The following SOX13 variants were observed in gnomAD, a reference collection of about 807,000 sequenced individuals.
The protein encoded by SOX13 is transcription factor SOX-13.
Under a neutral mutation model 71.8 loss-of-function variants are expected in SOX13, and 28 were observed. The observed-to-expected ratio is 0.39, with a 90% CI of 0.29 to 0.53. The LOEUF is 0.53. Ranked by LOEUF, SOX13 falls within the 20% of genes least tolerant of loss-of-function variation. The pLI is 0.70. For missense variants in SOX13, 627 were observed against 810.3 expected (o/e 0.77, Z 2.75); for synonymous variants, 309 against 317.8 (o/e 0.97, Z 0.29).
chr1:204,122,428 C>T (rs1222897162), intron 9 of SOX13, 29 bp downstream of exon 9: 3 of 1,555,548 alleles, frequency 1.9e-6, no homozygotes, highest in East Asian at 4.8e-5. Context: ...GCACTTGTCC[C>T]TCAGCCCTCT....
intron 1 of SOX13, among the ~76,000 whole-genome samples, chr1:204,112,527 A>ACACTCACT (rs34093119): frequency 4.1e-5 from 6 of 147,790 alleles, no homozygotes; most frequent in African/African-American, 1.5e-4. Context: ...ACACACACAC[A>ACACTCACT]CTTTCTCTCT....
At chr1:204,096,438 A>G (rs1238978024) in intron 1 of SOX13, among the ~76,000 whole-genome samples, 1 of 144,198 alleles carries the variant, frequency 6.9e-6, no homozygotes, top group East Asian at 2.0e-4. Context: ...TATTTTTGAG[A>G]CAGAGTCTTG....
At chr1:204,109,751 A>G (rs1656540035) in intron 1 of SOX13, among the ~76,000 whole-genome samples, 1 of 152,218 alleles carries the variant, frequency 6.6e-6, no homozygotes, top group Non-Finnish European at 1.5e-5. Flanking sequence ...TCCCTGATAT[A>G]GAATGGCATA....
intron 1 of SOX13, among the ~76,000 whole-genome samples, chr1:204,087,276 C>T (rs533609269): frequency 1.6e-4 from 24 of 152,356 alleles, no homozygotes; most frequent in African/African-American, 5.3e-4. Flanking sequence ...CTGCCCATCA[C>T]CTGGGTAGAT....
Position 204,121,941 on chromosome 1 carries a change from G to T in SOX13, c.817G>T (p.Val273Leu), listed in dbSNP as rs2102264749. The T allele has an allele frequency of 1.2e-6, 2 of 1,612,968 alleles. No homozygotes were observed. Among genetic ancestry groups the T allele is most frequent in the South Asian group, 2.2e-5 (2 of 91,030 alleles). The change falls in exon 8 of 14, where the codon GTG becomes TTG. Residue 273 changes from valine (V) to leucine (L), a missense_variant. By Grantham distance (32) the Val-to-Leu change is conservative (BLOSUM62 1). This residue lies in a region of SOX13 where 447 missense variants were observed against 532.2 expected (regional missense o/e 0.84). Transcript: ENST00000367204. ...GCTGCTGCACAGCCCCCCTGCCCCA[G>T]TGGTGAAGAGGCCTGGGGCCATGGC... ...LQLLHSPPAP[V>L]VKRPGAMATH...
chr1:204,117,045 G>C (rs1335707752), intron 5 of SOX13, 77 bp from the exon 6 acceptor site: 1 of 1,420,308 alleles, frequency 7.0e-7, no homozygotes, highest in Non-Finnish European at 9.9e-7. Context: ...AGAAAGCAGG[G>C]TGTGGTTAGG....
chr1:204,081,794 C>G lies in SOX13; in HGVS notation c.-2+8083C>G, dbSNP rs915107433. ...GAACAACCTCTCCCCACCCTCCAGC[C>G]CTACTGAAGGAGTCTGAAGTCACTC... On this transcript the variant is annotated intron_variant, in intron 1 of 13. Coordinates refer to ENST00000367204, the MANE Select transcript of SOX13 (RefSeq NM_005686.3). This position sits in a 1 kb window ranked among gnomAD's most constrained non-coding sequence, Gnocchi z 4.3. 6.6e-6 allele frequency among the ~76,000 whole-genome samples: 1 copy of G among 152,122 alleles called. No homozygotes were observed. The highest frequency in any genetic ancestry group is 2.4e-5 in the African/African-American group (1 of 41,414).
rs35841451 is a variant in SOX13 at position 204,105,413 on chromosome 1, C to CT, written c.-1-7492dup. 3.4e-3 allele frequency among the ~76,000 whole-genome samples: 470 copies of CT among 137,968 alleles called. 2 individuals are homozygous for CT. The highest frequency in any genetic ancestry group is 5.1e-3 in the Admixed American group (75 of 14,592). The allele number at this position is 137,968 out of a possible 152,430, so 90.5% of individuals were successfully genotyped here. A position where few individuals can be genotyped will look rare whatever the true frequency, so the allele number is the denominator to read the frequency against. On this transcript the variant is annotated intron_variant, in intron 1 of 13. Transcript: ENST00000367204. ...GAAGGCCTCTGACTCTGTATAATCT[C>CT]TTTTTTTTTTGAGACAGAGTCTCCC...
chr1:204,116,248 T>A, intron 4 of SOX13: 1 of 1,442,442 alleles, frequency 6.9e-7, no homozygotes. Context: ...GGCTGACATG[T>A]CCCACTGTCA....
chr1:204,081,133 G>C lies in SOX13; in HGVS notation c.-2+7422G>C, dbSNP rs1185207104. ...TCTCCATGTTGGTTAGGCTGGTCTCGAACTCCCGACCTCAGGTGATCCGCC... is the reference window on the plus strand; with the variant it reads ...TCTCCATGTTGGTTAGGCTGGTCTCCAACTCCCGACCTCAGGTGATCCGCC... On this transcript the variant is annotated intron_variant, in intron 1 of 13. Coordinates refer to ENST00000367204, the MANE Select transcript of SOX13 (RefSeq NM_005686.3). This position sits in a 1 kb window ranked among gnomAD's most constrained non-coding sequence, Gnocchi z 4.3. Among the ~76,000 whole-genome samples, 5 of 151,898 alleles carry C rather than the reference G, an allele frequency of 3.3e-5. No individual in the cohort carries two copies. The highest frequency in any genetic ancestry group is 5.9e-5 in the Non-Finnish European group (4 of 67,994).
At chr1:204,112,881 G>A (rs1040159263) in intron 1 of SOX13, 34 bp from the exon 2 acceptor site, 40 of 1,577,800 alleles carry the variant, frequency 2.5e-5, no homozygotes, top group Non-Finnish European at 3.4e-5. Context: ...TTACGACTGG[G>A]GACTCACCTC....
chr1:204,092,069 G>A (rs1656156547), intron 1 of SOX13, among the ~76,000 whole-genome samples: 1 of 150,864 alleles, frequency 6.6e-6, no homozygotes, highest in African/African-American at 2.4e-5. Context: ...TTTCTTTGAT[G>A]TAGGGTCTTG....
At chr1:204,095,221 A>G (rs1188902669) in intron 1 of SOX13, among the ~76,000 whole-genome samples, 1 of 152,224 alleles carries the variant, frequency 6.6e-6, no homozygotes, top group Non-Finnish European at 1.5e-5. Flanking sequence ...TAAGATGGAC[A>G]TCCGAGGGGA....
At chr1:204,094,312 C>T (rs1206605986) in intron 1 of SOX13, among the ~76,000 whole-genome samples, 2 of 152,222 alleles carry the variant, frequency 1.3e-5, no homozygotes, top group African/African-American at 4.8e-5. Context: ...ACCGCACACG[C>T]AGACCTCTCA....
At chr1:204,099,554 AG>A (rs1436938557) in intron 1 of SOX13, among the ~76,000 whole-genome samples, 1 of 150,472 alleles carries the variant, frequency 6.6e-6, no homozygotes, top group Non-Finnish European at 1.5e-5. Context: ...CTTGGGCTAC[AG>A]GCATGCCTCA....
At chr1:204,092,305 C>T (rs1311838803) in intron 1 of SOX13, among the ~76,000 whole-genome samples, 1 of 151,738 alleles carries the variant, frequency 6.6e-6, no homozygotes, top group African/African-American at 2.4e-5. Context: ...CCCACCACAC[C>T]TGGCCCAGAA....
intron 1 of SOX13, among the ~76,000 whole-genome samples, chr1:204,097,349 A>C (rs769548096): frequency 3.9e-5 from 6 of 152,218 alleles, no homozygotes; most frequent in Non-Finnish European, 7.3e-5. Flanking sequence ...TTTTGGTAAC[A>C]TGAAAACTGC....
chr1:204,096,239 G>GTTTTTTTTTTTTTTTTTTTTTTTTTCT (rs59094119), intron 1 of SOX13, among the ~76,000 whole-genome samples: 1 of 85,360 alleles, frequency 1.2e-5, no homozygotes, highest in Non-Finnish European at 2.1e-5. Context: ...TCTTTCTTTC[G>GTTTTTTTTTTTTTTTTTTTTTTTTTCT]TTTTTTTTTT....
chr1:204,123,100 CT>C lies in SOX13; in HGVS notation c.1135-11del, dbSNP rs1558222908. On this transcript the variant is annotated splice_polypyrimidine_tract_variant and intron_variant, in intron 10 of 13. Coordinates refer to ENST00000367204, the MANE Select transcript of SOX13 (RefSeq NM_005686.3). This position sits in a 1 kb window ranked among gnomAD's most constrained non-coding sequence, Gnocchi z 5.0. ...AGAGGAGGCTGATGTCAGGTTGCCCCTGTCAACCTAGGACCTCATCAGCCTG... is the reference window on the plus strand; with the variant it reads ...AGAGGAGGCTGATGTCAGGTTGCCCCGTCAACCTAGGACCTCATCAGCCTG... 5 of 1,606,276 alleles carry C rather than the reference CT, an allele frequency of 3.1e-6. No individual in the cohort carries two copies. Among genetic ancestry groups the C allele is most frequent in the Non-Finnish European group, 4.3e-6 (5 of 1,172,930 alleles).
Sources: allele counts gnomAD v4.1 joint callset (sites outside exome capture counted in the v4.1 genomes callset), GRCh38; gene constraint gnomAD v4.1.1; regional missense constraint gnomAD v4.1.1; non-coding constraint Gnocchi (gnomAD v3.1); transcripts MANE v1.5; gene names NCBI Gene and HGNC (gene_info 2026-07-23, HGNC 2026-07-21).